The following PLEKHG1 variants were observed in gnomAD, a reference collection of about 807,000 sequenced individuals.
PLEKHG1 encodes the protein pleckstrin homology domain-containing family G member 1.
Under a neutral mutation model 100.8 loss-of-function variants are expected in PLEKHG1, and 44 were observed. The ratio of observed to expected loss-of-function variants is 0.44; its 90% confidence interval spans 0.34 to 0.56. The LOEUF is 0.56. PLEKHG1 is among the 20% of genes least tolerant of loss of function. The probability of loss-of-function intolerance (pLI) is 0.01; values close to 1 mark genes in which losing one functional copy is unlikely to be tolerated. For synonymous variants in PLEKHG1, 640 were observed against 662.5 expected (o/e 0.97, Z 0.52); for missense variants, 1,545 against 1,720.9 (o/e 0.90, Z 1.81).
chr6:150,748,560 G>A lies in PLEKHG1; in HGVS notation c.411+14468G>A, dbSNP rs569627002. Among the ~76,000 whole-genome samples the A allele has an allele frequency of 5.3e-5, 8 of 151,394 alleles. No homozygotes were observed. The South Asian group carries it at 1.7e-3, about 32-fold the overall frequency. On this transcript the variant is annotated intron_variant, in intron 2 of 15. Transcript: ENST00000358517. ...CACAAGGAAATGGAGATCCAGAGAT[G>A]CCAGTGATTTCTCCAAATGGAAGCA...
intron 3 of PLEKHG1, among the ~76,000 whole-genome samples, chr6:150,680,906 C>T (rs560758937): frequency 3.3e-5 from 5 of 152,232 alleles, no homozygotes; most frequent in African/African-American, 1.2e-4. Context: ...GGGAAAGTTG[C>T]CTTAGATGGG....
intron 7 of PLEKHG1, among the ~76,000 whole-genome samples, chr6:150,807,058 T>C (rs1407095308): frequency 1.3e-5 from 2 of 152,154 alleles, no homozygotes; most frequent in African/African-American, 2.4e-5. Flanking sequence ...TGTTTCTCAA[T>C]GCTTGTGTTC....
At chr6:150,733,938 C>T in exon 2 of PLEKHG1, 1 of 1,614,188 alleles carries the variant, frequency 6.2e-7, no homozygotes, top group African/African-American at 1.3e-5. Context: ...AGCGAAAGGC[C>T]ACCCAGAGCG....
chr6:150,671,104 T>C (rs1779566131), intron 3 of PLEKHG1, among the ~76,000 whole-genome samples: 1 of 151,656 alleles, frequency 6.6e-6, no homozygotes, highest in South Asian at 2.1e-4. Context: ...TATATATATA[T>C]ATATATACAC....
chr6:150,645,754 G>A (rs1232775959), intron 2 of PLEKHG1, among the ~76,000 whole-genome samples: 1 of 152,174 alleles, frequency 6.6e-6, no homozygotes, highest in East Asian at 1.9e-4. Flanking sequence ...TGGCCATAGT[G>A]TAGTGTAGAG....
At chr6:150,661,954 T>C (rs1021672678) in intron 3 of PLEKHG1, among the ~76,000 whole-genome samples, 3 of 151,970 alleles carry the variant, frequency 2.0e-5, no homozygotes, top group African/African-American at 7.3e-5. Flanking sequence ...TGATTTGAAA[T>C]AAACAATAAG....
chr6:150,822,715 C>A (rs1469981262), intron 13 of PLEKHG1, among the ~76,000 whole-genome samples: 1 of 152,188 alleles, frequency 6.6e-6, no homozygotes, highest in Non-Finnish European at 1.5e-5. Flanking sequence ...CGTGGTGGCT[C>A]ACGCCTGTAA....
Position 150,600,074 on chromosome 6 carries a change from AC to A in PLEKHG1, c.-204+60del. 1 of 182,562 alleles carries A rather than the reference AC, an allele frequency of 5.5e-6. No individual in the cohort carries two copies. The highest frequency in any genetic ancestry group is 2.4e-5 in the African/African-American group (1 of 41,526). 11.3% of individuals were successfully genotyped at this position (182,562 alleles called of 1,614,324 possible). ...GACTTTTCCAGGGATGGGAGGGGGG[AC>A]CCGGGGACCTCCGGCGGGAGCCCCA... On this transcript the variant is annotated intron_variant, in intron 1 of 3. Coordinates refer to the PLEKHG1 transcript ENST00000367326. This position sits in a 1 kb window ranked among gnomAD's most constrained non-coding sequence, Gnocchi z 6.2.
chr6:150,726,515 T>A (rs1301791775), intron 1 of PLEKHG1, among the ~76,000 whole-genome samples: 1 of 152,194 alleles, frequency 6.6e-6, no homozygotes, highest in Admixed American at 6.5e-5. Flanking sequence ...GTTGCAAAGA[T>A]TGTGCAAAGT....
intron 10 of PLEKHG1, among the ~76,000 whole-genome samples, chr6:150,816,187 T>C (rs1237961148): frequency 2.0e-5 from 3 of 152,104 alleles, no homozygotes; most frequent in Non-Finnish European, 4.4e-5. Context: ...TTTTGGTCAC[T>C]GTCACTGCAG....
intron 14 of PLEKHG1, among the ~76,000 whole-genome samples, chr6:150,826,647 T>C (rs1018559859): frequency 1.3e-5 from 2 of 152,152 alleles, no homozygotes; most frequent in Non-Finnish European, 2.9e-5. Context: ...GATTCTTTCC[T>C]ATTTTTTTAA....
At chr6:150,818,714 C>A (rs1015547195) in intron 11 of PLEKHG1, among the ~76,000 whole-genome samples, 6 of 152,164 alleles carry the variant, frequency 3.9e-5, no homozygotes, top group Non-Finnish European at 8.8e-5. Flanking sequence ...TGTTACAGGT[C>A]CTTCCTATTA....
intron 10 of PLEKHG1, among the ~76,000 whole-genome samples, chr6:150,816,516 C>T (rs111891154): frequency 1.1e-4 from 16 of 151,172 alleles, no homozygotes; most frequent in Non-Finnish European, 1.5e-4. Flanking sequence ...TTAGTAGAGA[C>T]GGTTTCACCG....
chr6:150,612,588 T>C (rs978499508), intron 1 of PLEKHG1, among the ~76,000 whole-genome samples: 5 of 152,126 alleles, frequency 3.3e-5, no homozygotes, highest in Non-Finnish European at 7.3e-5. Flanking sequence ...CCGCCTCAAC[T>C]TCCCAAAGTG....
chr6:150,628,231 C>T (rs932065861), intron 1 of PLEKHG1, among the ~76,000 whole-genome samples: 2 of 152,150 alleles, frequency 1.3e-5, no homozygotes, highest in Non-Finnish European at 2.9e-5. Context: ...CATGTGAACT[C>T]CCACTTCCAG....
Position 150,615,564 on chromosome 6 carries a change from A to G in PLEKHG1, c.-204+15547A>G, listed in dbSNP as rs571644072. ...AATCTCCCGAATATAAATCTTATATATTGATTTAAATTCTCATAACAGAAA... is the reference window on the plus strand; with the variant it reads ...AATCTCCCGAATATAAATCTTATATGTTGATTTAAATTCTCATAACAGAAA... On this transcript the variant is annotated intron_variant, in intron 1 of 3. Coordinates refer to the PLEKHG1 transcript ENST00000367326. Among the ~76,000 whole-genome samples, 13 of 152,346 alleles carry G rather than the reference A, an allele frequency of 8.5e-5. No individual in the cohort carries two copies. The South Asian group carries it at 2.7e-3, about 32-fold the overall frequency.
At chr6:150,620,492 A>G (rs1051775988) in intron 1 of PLEKHG1, among the ~76,000 whole-genome samples, 5 of 152,204 alleles carry the variant, frequency 3.3e-5, no homozygotes, top group South Asian at 2.1e-4. Context: ...GAAGGGCTCT[A>G]TGTAAACACT....
At chr6:150,712,590 TG>T in intron 3 of PLEKHG1, among the ~76,000 whole-genome samples, 1 of 152,226 alleles carries the variant, frequency 6.6e-6, no homozygotes, top group Non-Finnish European at 1.5e-5. Flanking sequence ...ACTTGTTTCT[TG>T]ACCTAATTCC....
intron 1 of PLEKHG1, among the ~76,000 whole-genome samples, chr6:150,726,401 T>A (rs923486708): frequency 6.6e-6 from 1 of 152,216 alleles, no homozygotes; most frequent in Non-Finnish European, 1.5e-5. Context: ...ATACATTAAA[T>A]ATGTATAACT....
Sources: allele counts gnomAD v4.1 joint callset (sites outside exome capture counted in the v4.1 genomes callset), GRCh38; gene constraint gnomAD v4.1.1; non-coding constraint Gnocchi (gnomAD v3.1); transcripts MANE v1.5; gene names NCBI Gene and HGNC (gene_info 2026-07-23, HGNC 2026-07-21).